Variants in KIF13A observed in about 807,000 individuals in gnomAD.
The protein encoded by KIF13A is kinesin-like protein KIF13A.
A neutral mutation model predicts 212.2 loss-of-function variants in KIF13A; 79 were observed. The observed-to-expected ratio is 0.37, with a 90% CI of 0.31 to 0.45. The LOEUF is 0.45. Among genes scored for constraint, KIF13A ranks in the 20% least tolerant of loss-of-function variants. The probability of loss-of-function intolerance (pLI) is 1.00; values close to 1 mark genes in which losing one functional copy is unlikely to be tolerated. For synonymous variants in KIF13A, 789 were observed against 808.6 expected, an observed-to-expected ratio of 0.98 and a Z score of 0.41; for missense variants, 1,901 against 2,209.0, an observed-to-expected ratio of 0.86 and a Z score of 2.79.
chr6:17,826,874 C>T lies in KIF13A; in HGVS notation c.1533-750G>A, dbSNP rs1765004558. ...AGACATAGTGAGATATTTATAGATA[C>T]AATGTTATAAAATCTGGAATCTACT... On this transcript the variant is annotated intron_variant, in intron 14 of 38. Coordinates refer to ENST00000259711, the MANE Select transcript of KIF13A (RefSeq NM_022113.6). This position sits in a 1 kb window ranked among gnomAD's most constrained non-coding sequence, Gnocchi z 4.7. 6.6e-6 allele frequency among the ~76,000 whole-genome samples: 1 copy of T among 151,940 alleles called. No homozygotes were observed. Among genetic ancestry groups the T allele is most frequent in the Non-Finnish European group, 1.5e-5 (1 of 68,000 alleles).
intron 4 of KIF13A, among the ~76,000 whole-genome samples, chr6:17,867,142 C>A (rs1022327318): frequency 1.3e-5 from 2 of 152,058 alleles, no homozygotes; most frequent in East Asian, 3.9e-4. Context: ...TGTTCTATGT[C>A]AGTTGTACTT....
chr6:17,760,628 T>C (rs2150277518), downstream of KIF13A: 3 of 585,758 alleles, frequency 5.1e-6, no homozygotes, highest in East Asian at 2.8e-5. Context: ...TTCTCTTGCT[T>C]TCTGGAAAAA....
chr6:17,817,870 G>A (rs1475552593), intron 16 of KIF13A, among the ~76,000 whole-genome samples: 1 of 152,172 alleles, frequency 6.6e-6, no homozygotes, highest in Admixed American at 6.5e-5. Flanking sequence ...CACGTGTACA[G>A]GCACAGAGCT....
chr6:17,934,665 G>A lies in KIF13A; in HGVS notation c.147-36485C>T, dbSNP rs1274686244. ...TAGCAGGGCATGGTGGCACATCCCTGTGGTCTCACCTACTTGGGAGGCCGA... is the reference window on the plus strand; with the variant it reads ...TAGCAGGGCATGGTGGCACATCCCTATGGTCTCACCTACTTGGGAGGCCGA... On this transcript the variant is annotated intron_variant, in intron 2 of 38. Coordinates refer to ENST00000259711, the MANE Select transcript of KIF13A (RefSeq NM_022113.6). The surrounding 1 kb of genome is among the most constrained non-coding windows in gnomAD (Gnocchi z 5.4). Among the ~76,000 whole-genome samples the A allele has an allele frequency of 2.6e-5, 4 of 151,996 alleles. No individual in the cohort carries two copies. The highest frequency in any genetic ancestry group is 2.1e-4 in the South Asian group (1 of 4,816).
chr6:17,785,676 G>A lies in KIF13A; in HGVS notation c.3362-35C>T. 1 of 1,585,212 alleles carries A rather than the reference G, an allele frequency of 6.3e-7. No individual in the cohort carries two copies. Among genetic ancestry groups the A allele is most frequent in the Non-Finnish European group, 8.6e-7 (1 of 1,165,290 alleles). On this transcript the variant is annotated intron_variant, in intron 27 of 38. Transcript: ENST00000259711. The surrounding 1 kb of genome is among the most constrained non-coding windows in gnomAD (Gnocchi z 5.8). ...AAAATGAGGAGATCAATGCCAACAA[G>A]AGAGAAAGTATGACTTCTCAGTTTA...
intron 4 of KIF13A, 52 bp downstream of exon 4, chr6:17,873,325 T>A: frequency 8.2e-7 from 1 of 1,225,118 alleles, no homozygotes; most frequent in South Asian, 1.4e-5. Context: ...ATAAACTCAA[T>A]GGAAGAAGAG....
intron 3 of KIF13A, among the ~76,000 whole-genome samples, chr6:17,885,685 TGAAAACAG>T (rs1386609224): frequency 6.6e-6 from 1 of 152,236 alleles, no homozygotes; most frequent in African/African-American, 2.4e-5. Context: ...TGAATAAATC[TGAAAACAG>T]GAAATCATCC....
Position 17,786,250 on chromosome 6 carries a change from T to C in KIF13A, c.3362-609A>G, listed in dbSNP as rs917428149. ...TACTTGCTGGAAGGATCAAATGAAATACGGATGTGACACTGCTTTATAGAA... is the reference window on the plus strand; with the variant it reads ...TACTTGCTGGAAGGATCAAATGAAACACGGATGTGACACTGCTTTATAGAA... On this transcript the variant is annotated intron_variant, in intron 27 of 38. Transcript: ENST00000259711. This position sits in a 1 kb window ranked among gnomAD's most constrained non-coding sequence, Gnocchi z 5.4. 6.6e-6 allele frequency among the ~76,000 whole-genome samples: 1 copy of C among 152,152 alleles called. No individual in the cohort carries two copies. Among genetic ancestry groups the C allele is most frequent in the Non-Finnish European group, 1.5e-5 (1 of 68,034 alleles).
At chr6:17,874,210 C>G (rs1213998268) in intron 3 of KIF13A, among the ~76,000 whole-genome samples, 1 of 151,986 alleles carries the variant, frequency 6.6e-6, no homozygotes, top group Non-Finnish European at 1.5e-5. Context: ...TCTCCATATT[C>G]CCATCCTGCA....
chr6:17,804,353 G>C lies in KIF13A; in HGVS notation c.2454+8C>G, dbSNP rs375739333. The C allele has an allele frequency of 5.0e-5, 77 of 1,532,542 alleles. No individual in the cohort carries two copies. In the African/African-American group the frequency reaches 9.5e-4, roughly 19 times the overall value. 94.9% of individuals were successfully genotyped at this position (1,532,542 alleles called of 1,614,324 possible). A position where few individuals can be genotyped will look rare whatever the true frequency, so the allele number is the denominator to read the frequency against. On this transcript the variant is annotated splice_region_variant and intron_variant, in intron 20 of 38. Transcript: ENST00000259711. ...CACCATCGTTCTCCAAGGCTGGCCT[G>C]TGCTTACCTCCCCCTGCTGGCTGAT... is the stretch of plus-strand genomic sequence containing the variant.
chr6:17,832,047 G>A (rs1008940565), intron 12 of KIF13A, among the ~76,000 whole-genome samples: 2 of 152,016 alleles, frequency 1.3e-5, no homozygotes, highest in African/African-American at 4.8e-5. Flanking sequence ...AATGTTAAGC[G>A]GGACAGTGAG....
chr6:17,977,695 T>C (rs553034527), intron 2 of KIF13A, among the ~76,000 whole-genome samples: 4 of 152,338 alleles, frequency 2.6e-5, no homozygotes, highest in Admixed American at 6.5e-5. Flanking sequence ...TTTGTTTTTA[T>C]TTGTTTTTAA....
chr6:17,797,610 A>G (rs1440104502), intron 22 of KIF13A, among the ~76,000 whole-genome samples: 1 of 151,834 alleles, frequency 6.6e-6, no homozygotes, highest in South Asian at 2.1e-4. Context: ...CCAAAACACA[A>G]ACAGACAGGG....
At position 17,917,271 on chromosome 6, in the gene KIF13A, C is replaced by T. The variant is rs916353448; in HGVS notation, c.147-19091G>A. 1.4e-4 allele frequency among the ~76,000 whole-genome samples: 20 copies of T among 140,500 alleles called. 1 individual carries two copies. In the South Asian group the frequency reaches 3.6e-3, roughly 25 times the overall value. The allele number at this position is 140,500 out of a possible 152,430, so 92.2% of individuals were successfully genotyped here. On this transcript the variant is annotated intron_variant, in intron 2 of 38. Transcript: ENST00000259711. ...TTTTTTTTTTTTTGAGACAGAGTCT[C>T]GCTCTGTTGCCCAGGCTGGAGTACA... is the stretch of plus-strand genomic sequence containing the variant.
At chr6:17,981,202 G>C (rs1009659390) in intron 2 of KIF13A, among the ~76,000 whole-genome samples, 2 of 151,678 alleles carry the variant, frequency 1.3e-5, no homozygotes, top group African/African-American at 4.8e-5. Flanking sequence ...AATTCGGTAA[G>C]ACATAGCCAT....
At position 17,825,791 on chromosome 6, in the gene KIF13A, A is replaced by G. The variant is rs781383135; in HGVS notation, c.1763T>C (p.Ile588Thr). The G allele has an allele frequency of 3.7e-6, 6 of 1,613,660 alleles. No individual in the cohort carries two copies. Among genetic ancestry groups the G allele is most frequent in the South Asian group, 3.3e-5 (3 of 91,008 alleles). The change falls in exon 16 of 39, where the codon ATC becomes ACC. Residue 588 changes from isoleucine to threonine, a missense_variant. Ile to Thr is a moderately conservative substitution (Grantham distance 89). Coordinates refer to ENST00000259711, the MANE Select transcript of KIF13A (RefSeq NM_022113.6). The surrounding 1 kb of genome is among the most constrained non-coding windows in gnomAD (Gnocchi z 4.5). The stretch of plus-strand genomic sequence containing the variant: ...ACCATTACTATTCAGGGTTTTCATG[A>G]TAACTTCCATCTGTGCAAATTCATA... The part of the protein sequence containing the change: ...YNYEFAQMEV[I>T]MKTLNSNDPV...
At chr6:17,822,013 T>A in intron 16 of KIF13A, 1 of 1,198,080 alleles carries the variant, frequency 8.3e-7, no homozygotes, top group Non-Finnish European at 1.1e-6. Context: ...TGGAACTGGG[T>A]AAAGGATGGG....
rs747797233 is a variant in KIF13A at position 17,808,779 on chromosome 6, C to T, written c.2152G>A (p.Ala718Thr). The T allele has an allele frequency of 6.2e-7, 1 of 1,612,802 alleles. No individual in the cohort carries two copies. The highest frequency in any genetic ancestry group is 1.1e-5 in the South Asian group (1 of 90,894). Residue 718 changes from alanine to threonine, a missense_variant, in exon 18 of 39, where the codon GCC becomes ACC. By Grantham distance (58) the Ala-to-Thr change is moderately conservative (BLOSUM62 0). This residue lies in a region of KIF13A where 534 missense variants were observed against 536.9 expected (regional missense o/e 0.99). Coordinates refer to ENST00000259711, the MANE Select transcript of KIF13A (RefSeq NM_022113.6). ...TLQIPAANLS[A>T]NRKRGAIVSE... is the part of the protein sequence containing the mutation. ...AAGGACATTCTTACCTTCCTATTGG[C>T]ACTGAGGTTTGCAGCAGGGATCTGA...
intron 2 of KIF13A, among the ~76,000 whole-genome samples, chr6:17,970,400 TGA>T (rs1326298559): frequency 1.3e-5 from 2 of 151,824 alleles, no homozygotes; most frequent in African/African-American, 2.4e-5. Flanking sequence ...GCCAGGAGTT[TGA>T]GACTAGCCTG....
Sources: allele counts gnomAD v4.1 joint callset (sites outside exome capture counted in the v4.1 genomes callset), GRCh38; gene constraint gnomAD v4.1.1; regional missense constraint gnomAD v4.1.1; non-coding constraint Gnocchi (gnomAD v3.1); transcripts MANE v1.5; gene names NCBI Gene and HGNC (gene_info 2026-07-23, HGNC 2026-07-21).